The following SORCS2 variants were observed in gnomAD, a reference collection of about 807,000 sequenced individuals.
SORCS2 encodes sortilin related VPS10 domain containing receptor 2, also known as VPS10 domain-containing receptor SorCS2.
In SORCS2, 100 loss-of-function variants were observed where a neutral mutation model predicts 141.6. That is an observed-to-expected ratio of 0.71 (90% CI 0.60 to 0.83). The LOEUF (loss-of-function observed/expected upper bound fraction) is 0.83. SORCS2 is among the 40% of genes least tolerant of loss of function. The probability of loss-of-function intolerance (pLI) is 0.00; values close to 1 mark genes in which losing one functional copy is unlikely to be tolerated. For synonymous variants in SORCS2, 789 were observed against 676.9 expected (o/e 1.17, Z -2.57); for missense variants, 1,646 against 1,560.2 (o/e 1.05, Z -0.93).
intron 10 of SORCS2, among the ~76,000 whole-genome samples, chr4:7,689,158 C>T (rs892160010): frequency 5.9e-5 from 9 of 152,112 alleles, no homozygotes; most frequent in Admixed American, 2.0e-4. Context: ...CAGCTGCATC[C>T]GTGAGCAGAG....
Position 7,224,438 on chromosome 4 carries a change from C to T in SORCS2, c.480+31312C>T, listed in dbSNP as rs543912089. Reference sequence around the variant, plus strand: ...GGAAGCTGCAGCAGCAGGCTTTGGCCAAGTCGTGTCCTCTGGTCTCAGAAA... The same window carrying T: ...GGAAGCTGCAGCAGCAGGCTTTGGCTAAGTCGTGTCCTCTGGTCTCAGAAA... On this transcript the variant is annotated intron_variant, in intron 1 of 26. Coordinates refer to ENST00000507866, the MANE Select transcript of SORCS2 (RefSeq NM_020777.3). Among the ~76,000 whole-genome samples, 22 of 152,078 alleles carry T rather than the reference C, an allele frequency of 1.4e-4. No individual in the cohort carries two copies. In the South Asian group the frequency reaches 4.2e-3, roughly 29 times the overall value.
chr4:7,276,722 G>T (rs975028683), intron 1 of SORCS2, among the ~76,000 whole-genome samples: 1 of 152,202 alleles, frequency 6.6e-6, no homozygotes, highest in Non-Finnish European at 1.5e-5. Flanking sequence ...GCTCCTGAAT[G>T]CGATTTAGAA....
intron 3 of SORCS2, among the ~76,000 whole-genome samples, chr4:7,561,188 TTA>T (rs1239817299): frequency 1.3e-5 from 2 of 152,194 alleles, no homozygotes; most frequent in Non-Finnish European, 2.9e-5. Context: ...TCGTGGCCCT[TTA>T]TTCAAACCCA....
chr4:7,519,094 C>T (rs1443456133), intron 2 of SORCS2, among the ~76,000 whole-genome samples: 5 of 152,276 alleles, frequency 3.3e-5, no homozygotes, highest in Middle Eastern at 3.4e-3. Context: ...GTGTGCCCGG[C>T]GGAGGGCTCG....
chr4:7,200,476 G>A (rs1268111783), intron 1 of SORCS2, among the ~76,000 whole-genome samples: 2 of 152,188 alleles, frequency 1.3e-5, no homozygotes, highest in African/African-American at 2.4e-5. Flanking sequence ...TCTGTAAGGT[G>A]AGCGTCAGGA....
chr4:7,295,497 G>A (rs999671739), intron 1 of SORCS2, among the ~76,000 whole-genome samples: 9 of 152,230 alleles, frequency 5.9e-5, no homozygotes, highest in East Asian at 3.9e-4. Context: ...GAGCCTGGCC[G>A]TTGGCTCGAG....
intron 1 of SORCS2, among the ~76,000 whole-genome samples, chr4:7,204,654 G>A (rs1244903932): frequency 1.3e-5 from 2 of 152,216 alleles, no homozygotes; most frequent in Non-Finnish European, 2.9e-5. Flanking sequence ...AGAAACATGT[G>A]TGGCATTAGG....
chr4:7,600,970 C>G (rs1717628329), intron 3 of SORCS2, among the ~76,000 whole-genome samples: 1 of 152,192 alleles, frequency 6.6e-6, no homozygotes, highest in Admixed American at 6.5e-5. Flanking sequence ...ACTGCAACCT[C>G]CATCTCCCGG....
intron 23 of SORCS2, among the ~76,000 whole-genome samples, chr4:7,732,883 G>T (rs553891017): frequency 6.6e-6 from 1 of 152,032 alleles, no homozygotes; most frequent in African/African-American, 2.4e-5. Context: ...GAGGCTCAGC[G>T]AGGCCAGGTG....
chr4:7,725,108 C>G, intron 19 of SORCS2, 46 bp from the exon 20 acceptor site: 1 of 1,591,006 alleles, frequency 6.3e-7, no homozygotes, highest in Non-Finnish European at 8.6e-7. Context: ...CTGAAATGCC[C>G]CATGCCCTGA....
At chr4:7,534,138 A>C (rs1577709580) in intron 3 of SORCS2, among the ~76,000 whole-genome samples, 1 of 152,248 alleles carries the variant, frequency 6.6e-6, no homozygotes, top group East Asian at 1.9e-4. Context: ...CCCAGCACAG[A>C]GGCTCAGCTG....
chr4:7,524,968 A>G (rs562366981), intron 2 of SORCS2, among the ~76,000 whole-genome samples: 107 of 152,356 alleles, frequency 7.0e-4, no homozygotes, highest in Admixed American at 1.4e-3. Context: ...CTGCAACAGA[A>G]ACCTGGCAGG....
intron 2 of SORCS2, among the ~76,000 whole-genome samples, chr4:7,478,555 A>T (rs537613067): frequency 7.3e-4 from 111 of 152,256 alleles, no homozygotes; most frequent in Non-Finnish European, 9.4e-4. Context: ...CTGAGTCTCC[A>T]GAGCTAGGAC....
At chr4:7,322,506 G>T (rs1015393102) in intron 1 of SORCS2, among the ~76,000 whole-genome samples, 1 of 152,188 alleles carries the variant, frequency 6.6e-6, no homozygotes, top group African/African-American at 2.4e-5. Flanking sequence ...TCTACCAGGG[G>T]CCTGGCAGGG....
intron 1 of SORCS2, among the ~76,000 whole-genome samples, chr4:7,381,082 C>CAAAAAAAAAAAAA (rs397745880): frequency 1.9e-5 from 2 of 103,992 alleles, no homozygotes; most frequent in African/African-American, 3.7e-5. Flanking sequence ...ACTCTGTCTC[C>CAAAAAAAAAAAAA]AAAAAAAAAA....
intron 2 of SORCS2, among the ~76,000 whole-genome samples, chr4:7,480,666 C>T (rs1298424145): frequency 2.0e-5 from 3 of 152,222 alleles, no homozygotes; most frequent in East Asian, 1.9e-4. Context: ...AGCCCAGAGC[C>T]GCGGCCAGAA....
chr4:7,383,239 C>T (rs1024952235), intron 1 of SORCS2, among the ~76,000 whole-genome samples: 11 of 152,174 alleles, frequency 7.2e-5, no homozygotes, highest in Non-Finnish European at 1.6e-4. Context: ...CCAACCTCTA[C>T]CTTCCTGACA....
intron 1 of SORCS2, among the ~76,000 whole-genome samples, chr4:7,345,334 A>G (rs575044029): frequency 5.3e-5 from 8 of 152,254 alleles, no homozygotes; most frequent in Non-Finnish European, 1.2e-4. Flanking sequence ...TGACTTCAGG[A>G]CAGCTGAAGG....
chr4:7,281,404 G>A (rs1715869812), intron 1 of SORCS2, among the ~76,000 whole-genome samples: 1 of 152,230 alleles, frequency 6.6e-6, no homozygotes, highest in African/African-American at 2.4e-5. Context: ...ACTCACAAGG[G>A]GCTGTGTCCT....
Sources: allele counts gnomAD v4.1 joint callset (sites outside exome capture counted in the v4.1 genomes callset), GRCh38; gene constraint gnomAD v4.1.1; transcripts MANE v1.5; gene names NCBI Gene and HGNC (gene_info 2026-07-23, HGNC 2026-07-21).